The following VPS50 variants were observed in gnomAD, a reference collection of about 807,000 sequenced individuals.
VPS50 encodes syndetin.
In VPS50, 70 loss-of-function variants were observed where a neutral mutation model predicts 139.7. The ratio of observed to expected loss-of-function variants is 0.50; its 90% CI spans 0.41 to 0.61. VPS50 has a LOEUF of 0.61. Among genes scored for constraint, VPS50 ranks in the 20% least tolerant of loss-of-function variants. VPS50 has a pLI of 0.00. For synonymous variants in VPS50, 365 were observed against 376.7 expected (o/e 0.97, Z 0.36); for missense variants, 921 against 1,133.7 (o/e 0.81, Z 2.69).
chr7:93,239,304 A>G (rs1266448756), intron 1 of VPS50, among the ~76,000 whole-genome samples: 2 of 152,188 alleles, frequency 1.3e-5, no homozygotes, highest in African/African-American at 2.4e-5. Context: ...GTTGATGTGA[A>G]TATAGAAAGT....
intron 1 of VPS50, among the ~76,000 whole-genome samples, chr7:93,239,567 T>C (rs866739681): frequency 2.0e-5 from 3 of 152,338 alleles, no homozygotes; most frequent in East Asian, 3.9e-4. Flanking sequence ...CTTTTTGTTA[T>C]GTAAGTTTCT....
At chr7:93,256,424 T>G in intron 4 of VPS50, 85 bp from the exon 5 acceptor site, 1 of 653,968 alleles carries the variant, frequency 1.5e-6, no homozygotes, top group Non-Finnish European at 2.5e-6. Flanking sequence ...TATGGAATAT[T>G]CTTTTAAAAA....
rs562560049 is a variant in VPS50 at position 93,296,953 on chromosome 7, T to G, written c.1262+117T>G. 2.2e-5 allele frequency: 32 copies of G among 1,433,358 alleles called. No individual in the cohort carries two copies. In the East Asian group the frequency reaches 7.8e-4, roughly 35 times the overall value. 88.8% of individuals were successfully genotyped at this position (1,433,358 alleles called of 1,614,324 possible). On this transcript the variant is annotated intron_variant, in intron 15 of 27. Transcript: ENST00000305866. ...TGGAAATGAAGATAATTTTTGCTGCTAAGTTTGTGAGTGTATTTAAATATT... is the reference window on the plus strand; with the variant it reads ...TGGAAATGAAGATAATTTTTGCTGCGAAGTTTGTGAGTGTATTTAAATATT...
At chr7:93,293,346 T>G (rs929950534) in intron 13 of VPS50, among the ~76,000 whole-genome samples, 1 of 152,202 alleles carries the variant, frequency 6.6e-6, no homozygotes, top group East Asian at 1.9e-4. Context: ...GTGACAGTTA[T>G]GTATATATTC....
In VPS50 at chr7:93,271,321, C is replaced by T. The variant is rs995235919; in HGVS notation, c.702+59C>T. On this transcript the variant is annotated intron_variant, in intron 10 of 27. Transcript: ENST00000305866. ...TTTCTTTTCAGAAGTTTTTGAATAG[C>T]CTAGGTGCAACATTGTGTTTTGGCT... is the stretch of plus-strand genomic sequence containing the variant. The T allele has an allele frequency of 4.1e-6, 6 of 1,475,182 alleles. No homozygotes were observed. The African/African-American group carries it at 8.9e-5, about 22-fold the overall frequency. 91.4% of individuals were successfully genotyped at this position (1,475,182 alleles called of 1,614,324 possible).
chr7:93,347,814 T>G (rs1255508875), intron 23 of VPS50, among the ~76,000 whole-genome samples: 1 of 108,204 alleles, frequency 9.2e-6, no homozygotes, highest in Non-Finnish European at 1.7e-5. Context: ...CATCACACTC[T>G]GGGGACTGTT....
intron 26 of VPS50, among the ~76,000 whole-genome samples, chr7:93,355,551 G>GT (rs1402300468): frequency 9.9e-5 from 15 of 152,220 alleles, no homozygotes; most frequent in Admixed American, 7.2e-4. Flanking sequence ...TTTTTATAAA[G>GT]TAACTCTTGG....
Position 93,272,670 on chromosome 7 carries a change from G to T in VPS50, c.738G>T (p.Lys246Asn). ...ACGTAGCTCTTTCCAAAATCTGCAA[G>T]AATTTTGACATTAACCATTATACCA... ...QLDVALSKIC[K>N]NFDINHYTKV... The change falls in exon 11 of 28, where the codon AAG (lysine) becomes AAT (asparagine). Residue 246 changes from lysine (K) to asparagine (N), a missense_variant. Physicochemically the swap from Lys to Asn is moderately conservative, Grantham distance 94. Transcript: ENST00000305866. 1 of 1,574,124 alleles carries T rather than the reference G, an allele frequency of 6.4e-7. No individual in the cohort carries two copies. Among genetic ancestry groups the T allele is most frequent in the South Asian group, 1.1e-5 (1 of 87,790 alleles).
At chr7:93,344,082 C>T (rs1056434563) in intron 23 of VPS50, among the ~76,000 whole-genome samples, 23 of 152,128 alleles carry the variant, frequency 1.5e-4, no homozygotes, top group Non-Finnish European at 2.5e-4. Flanking sequence ...ATTCAGGAAA[C>T]CCATCTCACG....
intron 12 of VPS50, among the ~76,000 whole-genome samples, chr7:93,285,301 G>T (rs566718760): frequency 2.0e-5 from 3 of 152,050 alleles, no homozygotes; most frequent in African/African-American, 7.2e-5. Flanking sequence ...AAATCAAAAC[G>T]TGGAATAAGA....
At chr7:93,306,215 G>A (rs1049498308) in intron 18 of VPS50, among the ~76,000 whole-genome samples, 17 of 151,634 alleles carry the variant, frequency 1.1e-4, no homozygotes, top group Admixed American at 2.0e-4. Flanking sequence ...TTCCCTTTAT[G>A]TTTGCTTTAT....
At chr7:93,267,618 C>T (rs544934435) in intron 9 of VPS50, among the ~76,000 whole-genome samples, 72 of 152,164 alleles carry the variant, frequency 4.7e-4, no homozygotes, top group African/African-American at 1.6e-3. Context: ...TACTGTAGTA[C>T]AGGAATTCGT....
At chr7:93,340,200 C>T (rs1015905827) in intron 22 of VPS50, among the ~76,000 whole-genome samples, 1 of 152,180 alleles carries the variant, frequency 6.6e-6, no homozygotes, top group African/African-American at 2.4e-5. Context: ...TGTAATGCAG[C>T]AACTATTCAA....
intron 19 of VPS50, among the ~76,000 whole-genome samples, chr7:93,310,478 A>G (rs1175220945): frequency 6.6e-6 from 1 of 150,516 alleles, no homozygotes; most frequent in Non-Finnish European, 1.5e-5. Context: ...TTTTTTTTTC[A>G]TAGTTACAAA....
At position 93,349,999 on chromosome 7, in the gene VPS50, C is replaced by A; in HGVS notation, c.2429C>A (p.Ser810Ter). Residue 810 changes from serine to a stop codon, truncating the protein, a stop_gained, in exon 25 of 28, where the codon TCA becomes TAA. Coordinates refer to ENST00000305866, the MANE Select transcript of VPS50 (RefSeq NM_017667.4). LOFTEE classifies it high-confidence loss of function. Reference protein sequence around the residue: ...NVKWDVKEIMSQHNIYVDALL... With the variant: ...NVKWDVKEIM ...AAATGGGATGTAAAAGAAATTATGT[C>A]ACAGCACAACATATATGTAGATGCA... 2 of 1,612,970 alleles carry A rather than the reference C, an allele frequency of 1.2e-6. No homozygotes were observed. The highest frequency in any genetic ancestry group is 2.2e-5 in the East Asian group (1 of 44,854).
intron 12 of VPS50, among the ~76,000 whole-genome samples, chr7:93,287,465 A>G (rs1156425136): frequency 6.6e-6 from 1 of 150,930 alleles, no homozygotes; most frequent in Non-Finnish European, 1.5e-5. Flanking sequence ...TGAGCTGGAC[A>G]GTGGTTGGGT....
At chr7:93,249,233 T>C (rs1023318896) in intron 2 of VPS50, among the ~76,000 whole-genome samples, 7 of 152,130 alleles carry the variant, frequency 4.6e-5, no homozygotes, top group African/African-American at 1.7e-4. Flanking sequence ...GAGATACTTA[T>C]AAATTATGTT....
At chr7:93,260,538 A>C (rs1795632840) in intron 9 of VPS50, among the ~76,000 whole-genome samples, 1 of 152,178 alleles carries the variant, frequency 6.6e-6, no homozygotes, top group Non-Finnish European at 1.5e-5. Context: ...AGTTTGAATT[A>C]ATTTTTAAAA....
rs557185501 is a variant in VPS50 at position 93,312,535 on chromosome 7, A to G, written c.1855+1263A>G. On this transcript the variant is annotated intron_variant, in intron 20 of 27. Coordinates refer to ENST00000305866, the MANE Select transcript of VPS50 (RefSeq NM_017667.4). ...AGTATCTTCCCTAAGGTAAACCAAA[A>G]CCTGTCTCTCTGTGATTCTAGCCTT... 4.6e-5 allele frequency among the ~76,000 whole-genome samples: 7 copies of G among 152,062 alleles called. No homozygotes were observed. In the South Asian group the frequency reaches 1.2e-3, roughly 27 times the overall value.
Sources: allele counts gnomAD v4.1 joint callset (sites outside exome capture counted in the v4.1 genomes callset), GRCh38; gene constraint gnomAD v4.1.1; transcripts MANE v1.5; gene names NCBI Gene and HGNC (gene_info 2026-07-23, HGNC 2026-07-21).